Variants in PRDM11 observed in about 807,000 individuals in gnomAD.
PRDM11 encodes PR domain-containing protein 11.
Under a neutral mutation model 97.8 loss-of-function variants are expected in PRDM11, and 20 were observed. That is an observed-to-expected ratio of 0.20 (90% CI 0.14 to 0.30). The LOEUF (loss-of-function observed/expected upper bound fraction) is 0.30, where lower values mean the gene tolerates loss of function less well. Ranked by LOEUF, PRDM11 falls within the 10% of genes least tolerant of loss-of-function variation. PRDM11 has a pLI of 1.00. For synonymous variants in PRDM11, 599 were observed against 637.7 expected (o/e 0.94, Z 0.91); for missense variants, 1,139 against 1,555.2 (o/e 0.73, Z 4.50).
chr11:45,147,573 G>C (rs901037109), intron 1 of PRDM11: 11 of 152,610 alleles, frequency 7.2e-5, no homozygotes, highest in African/African-American at 2.7e-4. Context: ...CCCACTCGCA[G>C]TCCCCAAGGT....
intron 4 of PRDM11, among the ~76,000 whole-genome samples, chr11:45,195,777 T>C (rs1438050585): frequency 6.6e-6 from 1 of 151,998 alleles, no homozygotes; most frequent in East Asian, 1.9e-4. Flanking sequence ...AGGTTTTGCA[T>C]GTTGGCCAGG....
rs1405484753 is a variant in PRDM11, at chr11:45,228,262, ATAT to A, written c.*107_*109del. The A allele has an allele frequency of 0.028, 5,683 of 204,562 alleles. 78 individuals are homozygous for A. The highest frequency in any genetic ancestry group is 0.067 in the African/African-American group (2,629 of 39,064). 12.7% of individuals were successfully genotyped at this position (204,562 alleles called of 1,614,324 possible). A position where few individuals can be genotyped will look rare whatever the true frequency, so the allele number is the denominator to read the frequency against. ...AATATATATTATATTATATTATATTATATTATATATATATATATATATAAACTC... is the reference window on the plus strand; with the variant it reads ...AATATATATTATATTATATTATATTATATATATATATATATATATAAACTC... On this transcript the variant is annotated 3_prime_UTR_variant, in exon 8 of 8. Coordinates refer to ENST00000683152, the MANE Select transcript of PRDM11 (RefSeq NM_001384648.1).
chr11:45,120,852 A>G (rs1427971527), intron 1 of PRDM11, among the ~76,000 whole-genome samples: 1 of 152,192 alleles, frequency 6.6e-6, no homozygotes. Flanking sequence ...TATATGTATG[A>G]GTACCAATAT....
At position 45,224,437 on chromosome 11, in the gene PRDM11, C is replaced by G. The variant is rs1854209210; in HGVS notation, c.963C>G (p.His321Gln). 1.2e-6 allele frequency: 2 copies of G among 1,614,200 alleles called. No homozygotes were observed. Among genetic ancestry groups the G allele is most frequent in the Middle Eastern group, 1.6e-4 (1 of 6,062 alleles). Reference sequence around the variant, plus strand: ...TGGAATCTGCGAAGGTGGAAGCCCACCAGTTGGCCCTGAGCACCTCACTGG... The same window carrying G: ...TGGAATCTGCGAAGGTGGAAGCCCAGCAGTTGGCCCTGAGCACCTCACTGG... ...ASLESAKVEA[H>Q]QLALSTSLVI... Residue 321 changes from histidine (H) to glutamine (Q), a missense_variant, in exon 7 of 8, where the codon CAC becomes CAG. This residue lies in a region of PRDM11 where 429 missense variants were observed against 510.3 expected (regional missense o/e 0.84). Coordinates refer to ENST00000683152, the MANE Select transcript of PRDM11 (RefSeq NM_001384648.1).
intron 1 of PRDM11, among the ~76,000 whole-genome samples, chr11:45,127,463 A>C (rs981553395): frequency 1.3e-5 from 2 of 151,944 alleles, no homozygotes; most frequent in Admixed American, 6.6e-5. Flanking sequence ...CCATCTTTGT[A>C]GTTTTATCTA....
At chr11:45,174,832 A>G (rs1053604715) in intron 1 of PRDM11, among the ~76,000 whole-genome samples, 1 of 152,254 alleles carries the variant, frequency 6.6e-6, no homozygotes, top group Non-Finnish European at 1.5e-5. Context: ...ACCTTAAAAT[A>G]TATCCTCCCA....
At chr11:45,104,861 T>C (rs1474516714) in intron 1 of PRDM11, among the ~76,000 whole-genome samples, 5 of 152,128 alleles carry the variant, frequency 3.3e-5, no homozygotes, top group Admixed American at 2.6e-4. Flanking sequence ...CCAAGCAGCT[T>C]CCCAGGCCTC....
rs775221114 is a variant in PRDM11, at chr11:45,227,326, G to A, written c.2701G>A (p.Glu901Lys). The change falls in exon 8 of 8, where the codon GAG (glutamate) becomes AAG (lysine). Residue 901 changes from glutamate to lysine, a missense_variant. Coordinates refer to ENST00000683152, the MANE Select transcript of PRDM11 (RefSeq NM_001384648.1). The surrounding 1 kb of genome is among the most constrained non-coding windows in gnomAD (Gnocchi z 8.0). ...LSRLAYIFQG[E>K]YLLVSQVDDK... Reference sequence around the variant, plus strand: ...GCGTCTGGCCTACATCTTCCAGGGCGAGTACCTGCTGGTGTCCCAGGTGGA... The same window carrying A: ...GCGTCTGGCCTACATCTTCCAGGGCAAGTACCTGCTGGTGTCCCAGGTGGA... 7.2e-6 allele frequency: 11 copies of A among 1,533,852 alleles called. No homozygotes were observed. In the African/African-American group the frequency reaches 1.1e-4, roughly 15 times the overall value.
chr11:45,104,184 C>A (rs760532922), intron 1 of PRDM11, among the ~76,000 whole-genome samples: 2 of 152,222 alleles, frequency 1.3e-5, no homozygotes, highest in African/African-American at 2.4e-5. Context: ...AGCACAAGAC[C>A]AAAATGTTGT....
upstream of PRDM11, among the ~76,000 whole-genome samples, chr11:45,146,126 CAGCCTT>C (rs1851502356): frequency 1.3e-5 from 2 of 152,234 alleles, no homozygotes; most frequent in Non-Finnish European, 2.9e-5. Context: ...CCCTCACCCT[CAGCCTT>C]CGCGGGACGC....
chr11:45,212,360 G>GTTTT (rs1853776048), intron 5 of PRDM11: 1 of 339,538 alleles, frequency 2.9e-6, no homozygotes, highest in Non-Finnish European at 5.9e-6. Flanking sequence ...ACCGCAGGGT[G>GTTTT]GCAGGGCAGG....
chr11:45,143,383 C>T (rs1851445921), upstream of PRDM11, among the ~76,000 whole-genome samples: 1 of 152,134 alleles, frequency 6.6e-6, no homozygotes, highest in South Asian at 2.1e-4. Context: ...AAGAGGTGAA[C>T]TCTATTCATT....
intron 1 of PRDM11, among the ~76,000 whole-genome samples, chr11:45,155,424 G>C (rs1477904381): frequency 3.9e-5 from 6 of 152,166 alleles, no homozygotes; most frequent in Non-Finnish European, 8.8e-5. Context: ...CACCGTCATG[G>C]CCCAAGGTAC....
intron 1 of PRDM11, among the ~76,000 whole-genome samples, chr11:45,113,497 A>C (rs868684963): frequency 1.3e-5 from 2 of 152,088 alleles, no homozygotes; most frequent in South Asian, 2.1e-4. Flanking sequence ...TGATTATGGT[A>C]TTTTGATGGG....
At chr11:45,167,773 AC>A (rs1852101464) in intron 1 of PRDM11, among the ~76,000 whole-genome samples, 1 of 146,466 alleles carries the variant, frequency 6.8e-6, no homozygotes, top group African/African-American at 2.7e-5. Flanking sequence ...ACACACACAC[AC>A]ACACACACAC....
chr11:45,181,534 G>A (rs1015178928), intron 1 of PRDM11, among the ~76,000 whole-genome samples: 1 of 152,206 alleles, frequency 6.6e-6, no homozygotes, highest in East Asian at 1.9e-4. Flanking sequence ...ACCCCATGGG[G>A]CTGGTGGCTC....
chr11:45,226,803 T>C lies in PRDM11; in HGVS notation c.2178T>C (p.Thr726=), dbSNP rs1854286134. Residue 726 remains threonine (T), a synonymous_variant, in exon 8 of 8, where the codon ACT becomes ACC. Coordinates refer to ENST00000683152, the MANE Select transcript of PRDM11 (RefSeq NM_001384648.1). ...TCCGGTTGCAGGATGAAAAGCCAACTGTTGGCTTGGGTGTAGATGGAGCCA... is the reference window on the plus strand; with the variant it reads ...TCCGGTTGCAGGATGAAAAGCCAACCGTTGGCTTGGGTGTAGATGGAGCCA... ...LGIRLQDEKP[T]VGLGVDGANI... is the part of the protein sequence containing the mutation. 6.5e-7 allele frequency: 1 copy of C among 1,533,816 alleles called. No homozygotes were observed. Among genetic ancestry groups the C allele is most frequent in the African/African-American group, 1.4e-5 (1 of 72,954 alleles).
intron 5 of PRDM11, chr11:45,213,719 C>G: frequency 2.2e-6 from 1 of 456,442 alleles, no homozygotes; most frequent in Non-Finnish European, 4.4e-6. Context: ...GGACAGTCAG[C>G]TCAAGACAGC....
At chr11:45,113,828 T>G (rs199856732) in intron 1 of PRDM11, among the ~76,000 whole-genome samples, 24 of 101,882 alleles carry the variant, frequency 2.4e-4, no homozygotes, top group African/African-American at 8.2e-4. Context: ...GTGTGTGTTT[T>G]GTTTTTTTTT....
Sources: gnomAD v4.1 joint callset for allele counts (sites outside exome capture counted in the v4.1 genomes callset) on GRCh38, gnomAD v4.1.1 for gene constraint, gnomAD v4.1.1 regional missense constraint, Gnocchi (gnomAD v3.1) non-coding constraint, MANE v1.5 for transcripts, NCBI Gene and HGNC (gene_info 2026-07-23, HGNC 2026-07-21) for gene names.